ERBB4: variants seen among roughly 807,000 people sequenced by gnomAD.
ERBB4 encodes the protein receptor tyrosine-protein kinase erbB-4.
Under a neutral mutation model 158.0 loss-of-function variants are expected in ERBB4, and 42 were observed. That is an observed-to-expected ratio of 0.27 (90% CI 0.21 to 0.34). ERBB4 has a LOEUF of 0.34. ERBB4 is among the 10% of genes least tolerant of loss of function. The pLI is 1.00. For missense variants in ERBB4, 1,333 were observed against 1,624.1 expected (o/e 0.82, Z 3.08); for synonymous variants, 583 against 558.7 (o/e 1.04, Z -0.61).
At chr2:211,571,580 A>G (rs2067730824) in intron 19 of ERBB4, among the ~76,000 whole-genome samples, 1 of 152,188 alleles carries the variant, frequency 6.6e-6, no homozygotes, top group South Asian at 2.1e-4. Flanking sequence ...AAGCTTATCT[A>G]TAATATAACT....
intron 1 of ERBB4, among the ~76,000 whole-genome samples, chr2:212,269,947 G>T (rs909270255): frequency 6.6e-6 from 1 of 151,646 alleles, no homozygotes; most frequent in Admixed American, 6.6e-5. Flanking sequence ...TGCTTCCTCC[G>T]TAGTTTTTTT....
chr2:212,171,789 G>A (rs554288293), intron 1 of ERBB4, among the ~76,000 whole-genome samples: 87 of 152,246 alleles, frequency 5.7e-4, no homozygotes, highest in Admixed American at 2.0e-3. Flanking sequence ...ACCCAGTCAT[G>A]AGGAACTGTG....
At chr2:212,388,175 T>C (rs1346004788) in intron 1 of ERBB4, among the ~76,000 whole-genome samples, 1 of 152,122 alleles carries the variant, frequency 6.6e-6, no homozygotes. Context: ...TAGAGTTTTA[T>C]AAAAAGATAC....
intron 1 of ERBB4, among the ~76,000 whole-genome samples, chr2:212,477,142 C>T (rs373958339): frequency 5.2e-4 from 79 of 152,042 alleles, no homozygotes; most frequent in African/African-American, 1.9e-3. Context: ...ACAATAATAA[C>T]TACTCAAAAC....
chr2:211,567,378 G>A (rs189280433), intron 19 of ERBB4, among the ~76,000 whole-genome samples: 1 of 152,160 alleles, frequency 6.6e-6, no homozygotes, highest in Non-Finnish European at 1.5e-5. Flanking sequence ...TTTGCTTCCT[G>A]AGAAGGAACT....
chr2:211,776,430 A>G (rs2075878357), intron 4 of ERBB4, among the ~76,000 whole-genome samples: 1 of 152,166 alleles, frequency 6.6e-6, no homozygotes, highest in African/African-American at 2.4e-5. Flanking sequence ...TTTGAGCTGC[A>G]TTCGTGTGTG....
At chr2:212,160,957 AG>A (rs1338341780) in intron 1 of ERBB4, among the ~76,000 whole-genome samples, 2 of 152,036 alleles carry the variant, frequency 1.3e-5, no homozygotes, top group Non-Finnish European at 2.9e-5. Flanking sequence ...AAATTGCCAA[AG>A]AAGCACTGCA....
intron 1 of ERBB4, among the ~76,000 whole-genome samples, chr2:212,134,177 T>A (rs1202721559): frequency 6.7e-6 from 1 of 149,880 alleles, no homozygotes; most frequent in South Asian, 2.1e-4. Flanking sequence ...TCATATGCTT[T>A]TGCAGTTTTG....
At chr2:212,345,919 T>G (rs1376997799) in intron 1 of ERBB4, among the ~76,000 whole-genome samples, 3 of 152,104 alleles carry the variant, frequency 2.0e-5, no homozygotes, top group Non-Finnish European at 1.5e-5. Context: ...ATTTGAATTC[T>G]CCGAAAAAGA....
chr2:212,247,032 A>C (rs1451606133), intron 1 of ERBB4, among the ~76,000 whole-genome samples: 1 of 152,194 alleles, frequency 6.6e-6, no homozygotes, highest in Non-Finnish European at 1.5e-5. Context: ...ATGTTGATTA[A>C]ATTGATAACC....
At chr2:212,524,282 T>C (rs965239190) in intron 1 of ERBB4, among the ~76,000 whole-genome samples, 4 of 152,042 alleles carry the variant, frequency 2.6e-5, no homozygotes, top group African/African-American at 9.7e-5. Flanking sequence ...TTTTAATTTT[T>C]TCCTCTCCTT....
chr2:211,725,873 G>T (rs1041349718), intron 5 of ERBB4, among the ~76,000 whole-genome samples: 17 of 151,904 alleles, frequency 1.1e-4, no homozygotes, highest in African/African-American at 3.6e-4. Context: ...AAAGAAAAAA[G>T]GAAGGAAAGA....
chr2:212,332,293 T>G (rs1352703746), intron 1 of ERBB4, among the ~76,000 whole-genome samples: 1 of 152,070 alleles, frequency 6.6e-6, no homozygotes, highest in Non-Finnish European at 1.5e-5. Flanking sequence ...ATGGAAGAAG[T>G]GCCTTTTGCC....
chr2:211,600,729 G>T (rs1381644633), intron 19 of ERBB4, among the ~76,000 whole-genome samples: 1 of 152,128 alleles, frequency 6.6e-6, no homozygotes, highest in Non-Finnish European at 1.5e-5. Context: ...TGGAAAATGG[G>T]GAAGGGGAGG....
chr2:211,688,698 T>C lies in ERBB4; in HGVS notation c.1490-9514A>G, dbSNP rs181866442. 1.6e-3 allele frequency among the ~76,000 whole-genome samples: 244 copies of C among 152,338 alleles called. 1 individual carries two copies. Among genetic ancestry groups the C allele is most frequent in the Non-Finnish European group, 2.9e-3 (195 of 68,016 alleles). On this transcript the variant is annotated intron_variant, in intron 12 of 27. Coordinates refer to ENST00000342788, the MANE Select transcript of ERBB4 (RefSeq NM_005235.3). Reference sequence around the variant, plus strand: ...TTGTTTACAGACAAAATTTTTCACATAAAATTTCTCCCAAATGATCCAAAA... The same window carrying C: ...TTGTTTACAGACAAAATTTTTCACACAAAATTTCTCCCAAATGATCCAAAA...
chr2:211,562,811 G>A (rs1476801161), intron 19 of ERBB4, among the ~76,000 whole-genome samples: 5 of 116,602 alleles, frequency 4.3e-5, no homozygotes, highest in African/African-American at 1.5e-4. Context: ...TCGCTCTGTC[G>A]CCCAGGCTGG....
intron 20 of ERBB4, among the ~76,000 whole-genome samples, chr2:211,452,169 T>C (rs377765942): frequency 1.4e-5 from 2 of 144,972 alleles, no homozygotes; most frequent in South Asian, 4.5e-4. Flanking sequence ...AATACATTTG[T>C]AATAAAAATA....
At chr2:211,763,915 A>ACACACAC (rs1553627666) in intron 4 of ERBB4, among the ~76,000 whole-genome samples, 7 of 36,208 alleles carry the variant, frequency 1.9e-4, no homozygotes, top group Non-Finnish European at 5.0e-4. Context: ...CACACACACA[A>ACACACAC]ATATATGTAT....
At chr2:212,056,130 T>C (rs1347259396) in intron 2 of ERBB4, among the ~76,000 whole-genome samples, 1 of 152,194 alleles carries the variant, frequency 6.6e-6, no homozygotes, top group African/African-American at 2.4e-5. Flanking sequence ...ACGTGACGAA[T>C]ACACAAGCTT....
Sources: allele counts gnomAD v4.1 joint callset (sites outside exome capture counted in the v4.1 genomes callset), GRCh38; gene constraint gnomAD v4.1.1; transcripts MANE v1.5; gene names NCBI Gene and HGNC (gene_info 2026-07-23, HGNC 2026-07-21).